KHDRBS2: variants seen among roughly 807,000 people sequenced by gnomAD.
The protein encoded by KHDRBS2 is KH RNA binding domain containing, signal transduction associated 2, also known as KH domain-containing, RNA-binding, signal transduction-associated protein 2.
Under a neutral mutation model 44.3 loss-of-function variants are expected in KHDRBS2, and 26 were observed. That is an observed-to-expected ratio of 0.59 (90% confidence interval 0.43 to 0.81). The LOEUF is 0.81. Among genes scored for constraint, KHDRBS2 ranks in the 40% least tolerant of loss-of-function variants. The probability of loss-of-function intolerance (pLI) is 0.00; values close to 1 mark genes in which losing one functional copy is unlikely to be tolerated. For missense variants in KHDRBS2, 476 were observed against 433.1 expected (o/e 1.10, Z -0.88); for synonymous variants, 194 against 151.1 (o/e 1.28, Z -2.08).
At chr6:61,996,223 C>G (rs557016335) in intron 3 of KHDRBS2, among the ~76,000 whole-genome samples, 2 of 152,074 alleles carry the variant, frequency 1.3e-5, no homozygotes, top group Admixed American at 1.3e-4. Context: ...CCAATTAGAG[C>G]ATCACACAGA....
At chr6:61,570,043 CTA>C in the KHDRBS2 span, among the ~76,000 whole-genome samples, 3 of 152,090 alleles carry the variant, frequency 2.0e-5, no homozygotes, top group African/African-American at 7.2e-5. Context: ...ACAGATCACA[CTA>C]GATCTTCAGC....
At chr6:61,913,611 C>A (rs1056701679) in intron 4 of KHDRBS2, among the ~76,000 whole-genome samples, 9 of 151,692 alleles carry the variant, frequency 5.9e-5, no homozygotes, top group African/African-American at 2.2e-4. Context: ...AGCTTACATT[C>A]TAATGTGGGG....
chr6:62,044,875 G>A lies in KHDRBS2; in HGVS notation c.336+3003C>T, dbSNP rs368094493. The stretch of plus-strand genomic sequence containing the variant: ...AGGCCTGCCTAAGTTTGGTCAAGGA[G>A]AGTCTTTGTCAACATACATACCCAT... On this transcript the variant is annotated intron_variant, in intron 3 of 8. Transcript: ENST00000281156. Among the ~76,000 whole-genome samples, 221 of 152,200 alleles carry A rather than the reference G, an allele frequency of 1.5e-3. 1 individual carries two copies. Among genetic ancestry groups the A allele is most frequent in the African/African-American group, 5.0e-3 (207 of 41,558 alleles).
At chr6:61,563,695 T>G in the KHDRBS2 span, among the ~76,000 whole-genome samples, 5 of 152,224 alleles carry the variant, frequency 3.3e-5, no homozygotes, top group Admixed American at 1.3e-4. Flanking sequence ...TTATCAGTCC[T>G]GTAGTTGCAC....
At chr6:61,569,295 T>A in the KHDRBS2 span, among the ~76,000 whole-genome samples, 6 of 152,052 alleles carry the variant, frequency 3.9e-5, no homozygotes, top group Admixed American at 1.3e-4. Flanking sequence ...GCTGATGGTG[T>A]TTTTCTACCC....
At chr6:61,714,318 T>G (rs1771027632) in intron 7 of KHDRBS2, among the ~76,000 whole-genome samples, 1 of 151,844 alleles carries the variant, frequency 6.6e-6, no homozygotes, top group South Asian at 2.1e-4. Context: ...ATTAGAGAAA[T>G]GCAAATTAAA....
intron 6 of KHDRBS2, among the ~76,000 whole-genome samples, chr6:61,859,901 AAG>A (rs1255538076): frequency 6.6e-6 from 1 of 152,046 alleles, no homozygotes; most frequent in Non-Finnish European, 1.5e-5. Context: ...ATCATATTAA[AAG>A]AAATAAATTG....
At chr6:61,574,599 A>C in the KHDRBS2 span, among the ~76,000 whole-genome samples, 1 of 152,186 alleles carries the variant, frequency 6.6e-6, no homozygotes, top group Non-Finnish European at 1.5e-5. Flanking sequence ...TTGATCCAAT[A>C]ATTTGACTAA....
chr6:61,789,227 G>A (rs1784265099), intron 6 of KHDRBS2, among the ~76,000 whole-genome samples: 1 of 151,240 alleles, frequency 6.6e-6, no homozygotes, highest in African/African-American at 2.4e-5. Context: ...TATTAGCAGA[G>A]CAGCATTTAA....
At chr6:61,559,279 C>A in the KHDRBS2 span, among the ~76,000 whole-genome samples, 1 of 151,688 alleles carries the variant, frequency 6.6e-6, no homozygotes. Flanking sequence ...TTTTTTCCAT[C>A]CTTTTCTTAC....
At chr6:61,637,907 T>G in the KHDRBS2 span, among the ~76,000 whole-genome samples, 3 of 152,110 alleles carry the variant, frequency 2.0e-5, no homozygotes, top group African/African-American at 7.2e-5. Flanking sequence ...TAAATTTGTT[T>G]GAGTTCATTG....
At chr6:62,245,684 A>G (rs1835435286) in intron 1 of KHDRBS2, among the ~76,000 whole-genome samples, 1 of 152,142 alleles carries the variant, frequency 6.6e-6, no homozygotes, top group Admixed American at 6.6e-5. Context: ...CAGACACATC[A>G]TATATGAACT....
intron 1 of KHDRBS2, among the ~76,000 whole-genome samples, chr6:62,180,656 T>C (rs1476186804): frequency 6.6e-6 from 1 of 151,578 alleles, no homozygotes; most frequent in Admixed American, 6.6e-5. Context: ...TCTGTCAAAA[T>C]CCCAATGACA....
At chr6:62,188,329 G>GGTAAT (rs1187143100) in intron 1 of KHDRBS2, among the ~76,000 whole-genome samples, 2 of 151,980 alleles carry the variant, frequency 1.3e-5, no homozygotes, top group Admixed American at 1.3e-4. Flanking sequence ...TCCAGCCCCT[G>GGTAAT]GTAATCACAA....
At chr6:61,626,472 A>T in the KHDRBS2 span, among the ~76,000 whole-genome samples, 1 of 152,216 alleles carries the variant, frequency 6.6e-6, no homozygotes, top group Admixed American at 6.5e-5. Context: ...GTGAGCATTA[A>T]TATTTTTGAC....
chr6:62,205,696 G>A (rs1476092645), intron 1 of KHDRBS2, among the ~76,000 whole-genome samples: 1 of 152,076 alleles, frequency 6.6e-6, no homozygotes, highest in Non-Finnish European at 1.5e-5. Flanking sequence ...AAGACAGGAT[G>A]AAGACAGGTT....
chr6:62,207,269 T>G (rs1243533416), intron 1 of KHDRBS2, among the ~76,000 whole-genome samples: 1 of 152,124 alleles, frequency 6.6e-6, no homozygotes, highest in Non-Finnish European at 1.5e-5. Context: ...CATATGTACA[T>G]ATAAATACAC....
At chr6:61,587,186 A>G in the KHDRBS2 span, among the ~76,000 whole-genome samples, 2 of 152,148 alleles carry the variant, frequency 1.3e-5, no homozygotes, top group Non-Finnish European at 2.9e-5. Flanking sequence ...TTTGCATCAC[A>G]GCTTGGGCCT....
intron 1 of KHDRBS2, among the ~76,000 whole-genome samples, chr6:62,246,102 T>TTATATATATATATATA (rs150717074): frequency 4.9e-4 from 61 of 124,336 alleles, no homozygotes; most frequent in African/African-American, 8.7e-4. Flanking sequence ...TCAATCAATT[T>TTATATATATATATATA]TATATATATA....
Sources: allele counts gnomAD v4.1 joint callset (sites outside exome capture counted in the v4.1 genomes callset), GRCh38; gene constraint gnomAD v4.1.1; transcripts MANE v1.5; gene names NCBI Gene and HGNC (gene_info 2026-07-23, HGNC 2026-07-21).